Variants in PPP2R5E observed in about 807,000 individuals in gnomAD.
PPP2R5E encodes the protein protein phosphatase 2 regulatory subunit B'epsilon.
A neutral mutation model predicts 65.3 loss-of-function variants in PPP2R5E; 4 were observed. The ratio of observed to expected loss-of-function variants is 0.06; its 90% CI spans 0.03 to 0.14. The LOEUF is 0.14. Ranked by LOEUF, PPP2R5E falls within the 10% of genes least tolerant of loss-of-function variation. The pLI, the probability that PPP2R5E is intolerant of heterozygous loss-of-function variation, is 1.00. For missense variants in PPP2R5E, 274 were observed against 556.1 expected, an observed-to-expected ratio of 0.49 and a Z score of 5.10; for synonymous variants, 183 against 187.4, an observed-to-expected ratio of 0.98 and a Z score of 0.19.
Position 63,453,807 on chromosome 14 carries a change from G to A in PPP2R5E, c.236C>T (p.Thr79Met), listed in dbSNP as rs781401535. ...TTCTTTCATTTTAAGATCAGATAGC[G>A]TGTCCATGAAGTCAAAAATGACACA... ...QCCVIFDFMD[T>M]LSDLKMKEYK... Residue 79 changes from threonine (T) to methionine (M), a missense_variant, in exon 3 of 14, where the codon ACG becomes ATG. Transcript: ENST00000337537. The A allele has an allele frequency of 8.1e-6, 13 of 1,607,676 alleles. No individual in the cohort carries two copies. The highest frequency in any genetic ancestry group is 1.7e-5 in the Admixed American group (1 of 58,628).
chr14:63,427,961 CTTT>C (rs1337198695), intron 3 of PPP2R5E, among the ~76,000 whole-genome samples: 1 of 152,156 alleles, frequency 6.6e-6, no homozygotes, highest in African/African-American at 2.4e-5. Flanking sequence ...GACCTGACTT[CTTT>C]ATTTCTCTCT....
At chr14:63,411,402 A>T (rs74823418) in intron 5 of PPP2R5E, among the ~76,000 whole-genome samples, 2,491 of 152,092 alleles carry the variant, frequency 0.016, 74 homozygotes, top group East Asian at 0.13. Context: ...TCTTTTTTTT[A>T]AAATTATTTT....
chr14:63,488,014 G>T (rs1891079018), intron 2 of PPP2R5E, among the ~76,000 whole-genome samples: 1 of 151,916 alleles, frequency 6.6e-6, no homozygotes, highest in Non-Finnish European at 1.5e-5. Context: ...CACAAAACTG[G>T]GAAGCACCTT....
intron 2 of PPP2R5E, among the ~76,000 whole-genome samples, chr14:63,530,820 T>G (rs1594977740): frequency 6.6e-6 from 1 of 151,764 alleles, no homozygotes; most frequent in Non-Finnish European, 1.5e-5. Context: ...TTTCACCATG[T>G]TGGCCTGGCT....
intron 2 of PPP2R5E, among the ~76,000 whole-genome samples, chr14:63,508,579 G>A (rs1892323873): frequency 6.6e-6 from 1 of 152,134 alleles, no homozygotes; most frequent in African/African-American, 2.4e-5. Flanking sequence ...AGGAAACTGA[G>A]GCATAGAGAG....
intron 3 of PPP2R5E, among the ~76,000 whole-genome samples, chr14:63,444,710 A>C (rs1210805728): frequency 6.6e-6 from 1 of 152,374 alleles, no homozygotes; most frequent in East Asian, 1.9e-4. Flanking sequence ...AGAAATTCCA[A>C]GAAATCTTTC....
intron 2 of PPP2R5E, among the ~76,000 whole-genome samples, chr14:63,528,518 T>A (rs1377144746): frequency 2.0e-5 from 3 of 152,208 alleles, no homozygotes. Flanking sequence ...AATATACCAC[T>A]TATGTTTTTA....
chr14:63,512,328 G>A (rs1892498458), intron 2 of PPP2R5E, among the ~76,000 whole-genome samples: 2 of 152,128 alleles, frequency 1.3e-5, no homozygotes, highest in South Asian at 4.1e-4. Flanking sequence ...AGATAGATGG[G>A]TAGAGATAGA....
intron 3 of PPP2R5E, among the ~76,000 whole-genome samples, chr14:63,440,361 T>C (rs1306998287): frequency 6.7e-6 from 1 of 150,308 alleles, no homozygotes; most frequent in African/African-American, 2.5e-5. Flanking sequence ...AAAGCTACTA[T>C]ATAGGGCAGC....
intron 2 of PPP2R5E, among the ~76,000 whole-genome samples, chr14:63,505,691 C>T (rs920123250): frequency 6.6e-6 from 1 of 152,212 alleles, no homozygotes; most frequent in African/African-American, 2.4e-5. Flanking sequence ...GGACCAGCTG[C>T]ATCCCCTCTC....
chr14:63,424,676 G>A lies in PPP2R5E; in HGVS notation c.355-2582C>T, dbSNP rs374896522. ...TGAGGCAGGAGAATGGCGTGAACCC[G>A]GGAGGCGGAGCTTGCAGTGAGCCGA... On this transcript the variant is annotated intron_variant, in intron 3 of 13. Transcript: ENST00000337537. Among the ~76,000 whole-genome samples, 1,025 of 150,654 alleles carry A rather than the reference G, an allele frequency of 6.8e-3. 18 individuals carry two copies. Among genetic ancestry groups the A allele is most frequent in the African/African-American group, 0.02 (838 of 40,926 alleles).
At chr14:63,512,228 G>C (rs1420248869) in intron 2 of PPP2R5E, among the ~76,000 whole-genome samples, 1 of 151,594 alleles carries the variant, frequency 6.6e-6, no homozygotes, top group Non-Finnish European at 1.5e-5. Context: ...AAAATAATAT[G>C]CTCTTTCAAG....
chr14:63,388,878 G>C (rs1305135132), intron 11 of PPP2R5E, among the ~76,000 whole-genome samples: 2 of 152,230 alleles, frequency 1.3e-5, no homozygotes, highest in Admixed American at 1.3e-4. Context: ...TATGAAACGG[G>C]CCTTAGGTGA....
chr14:63,396,331 AAAGAGGAGG>A (rs985175758), intron 6 of PPP2R5E, among the ~76,000 whole-genome samples: 1 of 105,658 alleles, frequency 9.5e-6, no homozygotes. Flanking sequence ...AGGAAGAGGA[AAAGAGGAGG>A]AAGAGGAGGG....
rs571409186 is a variant in PPP2R5E at position 63,450,156 on chromosome 14, G to T, written c.354+3533C>A. ...CTCCCAAAGTGCTAGGATTACAGGC[G>T]TGAGCCACCGCGCCCAGCGCCTTGT... On this transcript the variant is annotated intron_variant, in intron 3 of 13. Coordinates refer to ENST00000337537, the MANE Select transcript of PPP2R5E (RefSeq NM_006246.5). 2.4e-4 allele frequency among the ~76,000 whole-genome samples: 37 copies of T among 152,278 alleles called. No homozygotes were observed. In the East Asian group the frequency reaches 7.1e-3, roughly 29 times the overall value.
At chr14:63,394,544 C>T (rs1885215293) in intron 7 of PPP2R5E, among the ~76,000 whole-genome samples, 1 of 152,200 alleles carries the variant, frequency 6.6e-6, no homozygotes, top group South Asian at 2.1e-4. Context: ...CCTCCCTTTT[C>T]CTTCTCCAAA....
intron 2 of PPP2R5E, among the ~76,000 whole-genome samples, chr14:63,501,347 G>C (rs1474947626): frequency 2.6e-5 from 4 of 150,986 alleles, no homozygotes; most frequent in African/African-American, 4.9e-5. Flanking sequence ...GGAGCTTGCA[G>C]TGAGCCGATA....
At chr14:63,393,993 T>C (rs1885181646) in intron 7 of PPP2R5E, 65 bp from the exon 8 acceptor site, 1 of 937,566 alleles carries the variant, frequency 1.1e-6, no homozygotes, top group African/African-American at 1.6e-5. Context: ...CAAACTGTTC[T>C]TGTGATATTA....
intron 3 of PPP2R5E, chr14:63,452,314 C>T (rs1437610610): frequency 6.6e-6 from 1 of 152,208 alleles, no homozygotes. Flanking sequence ...GTTTAGATAG[C>T]ATGCAAACTC....
Sources: allele counts gnomAD v4.1 joint callset (sites outside exome capture counted in the v4.1 genomes callset), GRCh38; gene constraint gnomAD v4.1.1; transcripts MANE v1.5; gene names NCBI Gene and HGNC (gene_info 2026-07-23, HGNC 2026-07-21).